The following MAP9 variants were observed in gnomAD, a reference collection of about 807,000 sequenced individuals.
MAP9 encodes microtubule-associated protein 9.
In MAP9, 80 loss-of-function variants were observed where a neutral mutation model predicts 75.2. That is an observed-to-expected ratio of 1.06 (90% CI 0.89 to 1.28). The LOEUF (loss-of-function observed/expected upper bound fraction) is 1.28, where lower values mean the gene tolerates loss of function less well. MAP9 is among the 50% of genes most tolerant of loss of function. The probability of loss-of-function intolerance (pLI) is 0.00; values close to 1 mark genes in which losing one functional copy is unlikely to be tolerated. For missense variants in MAP9, 753 were observed against 719.9 expected, an observed-to-expected ratio of 1.05 and a Z score of -0.53; for synonymous variants, 235 against 237.3, an observed-to-expected ratio of 0.99 and a Z score of 0.09.
chr4:155,361,141 T>C (rs1227054703), intron 6 of MAP9: 1 of 152,104 alleles, frequency 6.6e-6, no homozygotes, highest in East Asian at 1.9e-4. Context: ...GAATCTTTAC[T>C]GTGAAAAGTC....
chr4:155,353,402 A>G (rs1731615832), intron 10 of MAP9, 62 bp from the exon 11 acceptor site: 1 of 1,270,474 alleles, frequency 7.9e-7, no homozygotes, highest in Non-Finnish European at 1.0e-6. Context: ...AGACACAAAT[A>G]TGGCTAGATA....
intron 3 of MAP9, 48 bp downstream of exon 3, chr4:155,374,889 G>A: frequency 7.7e-7 from 1 of 1,305,350 alleles, no homozygotes; most frequent in Non-Finnish European, 1.1e-6. Flanking sequence ...ACAAAACTAA[G>A]GAAGCAAAAA....
chr4:155,372,037 C>T (rs1732622233), intron 4 of MAP9, among the ~76,000 whole-genome samples: 1 of 152,144 alleles, frequency 6.6e-6, no homozygotes, highest in African/African-American at 2.4e-5. Flanking sequence ...TTATTTTTAG[C>T]TTCCTCATCA....
intron 5 of MAP9, chr4:155,363,008 G>A (rs939708215): frequency 2.6e-5 from 4 of 152,198 alleles, no homozygotes; most frequent in African/African-American, 9.6e-5. Flanking sequence ...GAAGGCTACA[G>A]CCTTGGTGGA....
intron 12 of MAP9, 73 bp from the exon 13 acceptor site, chr4:155,352,801 A>G: frequency 1.4e-6 from 2 of 1,431,866 alleles, no homozygotes; most frequent in East Asian, 2.3e-5. Flanking sequence ...TACATCTTTG[A>G]CAGTAATGAA....
At chr4:155,372,608 T>C (rs1310877085) in intron 4 of MAP9, among the ~76,000 whole-genome samples, 3 of 152,178 alleles carry the variant, frequency 2.0e-5, no homozygotes, top group African/African-American at 7.2e-5. Flanking sequence ...TCTTAAGGAG[T>C]GCCTGGATGC....
chr4:155,374,115 C>T (rs186335036), intron 3 of MAP9, among the ~76,000 whole-genome samples: 10 of 152,070 alleles, frequency 6.6e-5, no homozygotes, highest in East Asian at 3.9e-4. Flanking sequence ...CTGAGGCGGG[C>T]GGATCACAAG....
chr4:155,373,488 AG>A, intron 3 of MAP9, 32 bp from the exon 4 acceptor site: 1 of 1,381,738 alleles, frequency 7.2e-7, no homozygotes, highest in Non-Finnish European at 9.6e-7. Flanking sequence ...TGTTTTCAAC[AG>A]TATTTTTAAA....
At chr4:155,375,067 T>A (rs1218399092) in intron 2 of MAP9, 46 bp from the exon 3 acceptor site, 2 of 1,355,774 alleles carry the variant, frequency 1.5e-6, no homozygotes, top group Non-Finnish European at 2.1e-6. Context: ...CATGGAGGTA[T>A]CATATTCACA....
chr4:155,353,371 C>T (rs752480504), intron 10 of MAP9, 31 bp from the exon 11 acceptor site: 159 of 1,498,254 alleles, frequency 1.1e-4, no homozygotes, highest in Non-Finnish European at 1.4e-4. Flanking sequence ...GAGTGATATA[C>T]ATATATATGT....
rs747102343 is a variant in MAP9 at position 155,352,606 on chromosome 4, T to C, written c.1811A>G (p.Glu604Gly). Residue 604 changes from glutamate to glycine, a missense_variant, in exon 13 of 14, where the codon GAA becomes GGA. Glu to Gly is a moderately conservative substitution (Grantham distance 98). Coordinates refer to ENST00000311277, the MANE Select transcript of MAP9 (RefSeq NM_001039580.2). ...DKDKQAINEY[E>G]KWLENKEKQE... ...ACAAATAATACCTACCAGCCATTTT[T>C]CATATTCATTAATAGCTTGTTTATC... The C allele has an allele frequency of 3.4e-5, 54 of 1,576,056 alleles. No homozygotes were observed. Among genetic ancestry groups the C allele is most frequent in the Non-Finnish European group, 4.6e-5 (53 of 1,159,814 alleles).
intron 5 of MAP9, among the ~76,000 whole-genome samples, chr4:155,363,710 A>G (rs1732195031): frequency 6.6e-6 from 1 of 152,148 alleles, no homozygotes; most frequent in Non-Finnish European, 1.5e-5. Context: ...GGCCATTAAA[A>G]CAAAACAAAA....
intron 7 of MAP9, among the ~76,000 whole-genome samples, chr4:155,358,824 C>G (rs917737817): frequency 2.6e-5 from 4 of 151,888 alleles, no homozygotes; most frequent in African/African-American, 9.7e-5. Flanking sequence ...AAAAAATGTT[C>G]ACCATCACTA....
intron 4 of MAP9, among the ~76,000 whole-genome samples, chr4:155,372,815 G>A (rs1465635897): frequency 6.6e-6 from 1 of 152,162 alleles, no homozygotes; most frequent in African/African-American, 2.4e-5. Flanking sequence ...CAAAACTGAA[G>A]CTCACAGGTC....
rs1328170081 is a variant in MAP9, at chr4:155,375,889, TA to T, written c.-40del. 1 of 1,365,506 alleles carries T rather than the reference TA, an allele frequency of 7.3e-7. No homozygotes were observed. Among genetic ancestry groups the T allele is most frequent in the Non-Finnish European group, 1.0e-6 (1 of 967,520 alleles). 84.6% of individuals were successfully genotyped at this position (1,365,506 alleles called of 1,614,324 possible). ...TCGTTACCTTTATAAAATAGCTAAT[TA>T]TTAGAATTCAACTTCTGATAGTAGC... On this transcript the variant is annotated 5_prime_UTR_variant, in exon 2 of 14. Coordinates refer to ENST00000311277, the MANE Select transcript of MAP9 (RefSeq NM_001039580.2).
chr4:155,350,392 C>T (rs1254056044), intron 13 of MAP9, among the ~76,000 whole-genome samples: 1 of 151,904 alleles, frequency 6.6e-6, no homozygotes, highest in African/African-American at 2.4e-5. Context: ...TCTTGTTCTT[C>T]AGAGGACTGA....
Position 155,347,695 on chromosome 4 carries a change from C to T in MAP9, c.*88G>A. ...TCTGGCATTTAATTAAAATATATTC[C>T]TCTAACTATAAATAATTGAATGGTT... On this transcript the variant is annotated 3_prime_UTR_variant, in exon 14 of 14. Transcript: ENST00000311277. The T allele has an allele frequency of 4.9e-6, 6 of 1,225,882 alleles. No homozygotes were observed. Among genetic ancestry groups the T allele is most frequent in the East Asian group, 2.6e-5 (1 of 37,750 alleles). 75.9% of individuals were successfully genotyped at this position (1,225,882 alleles called of 1,614,324 possible). A position where few individuals can be genotyped will look rare whatever the true frequency, so the allele number is the denominator to read the frequency against.
chr4:155,352,875 T>C, intron 12 of MAP9, 37 bp downstream of exon 12: 1 of 1,465,102 alleles, frequency 6.8e-7, no homozygotes, highest in Non-Finnish European at 9.2e-7. Flanking sequence ...GTTACTATAA[T>C]TTAAAATATA....
At chr4:155,348,416 A>AT (rs1247768267) in intron 13 of MAP9, among the ~76,000 whole-genome samples, 3 of 152,164 alleles carry the variant, frequency 2.0e-5, no homozygotes, top group Non-Finnish European at 4.4e-5. Context: ...ATATCACTTA[A>AT]TTTTTTAAAC....
Sources: gnomAD v4.1 joint callset for allele counts (sites outside exome capture counted in the v4.1 genomes callset) on GRCh38, gnomAD v4.1.1 for gene constraint, MANE v1.5 for transcripts, NCBI Gene and HGNC (gene_info 2026-07-23, HGNC 2026-07-21) for gene names.